Variants in OAS1 observed in about 807,000 individuals in gnomAD.
OAS1 encodes the protein 2'-5'-oligoadenylate synthase 1.
OAS1 carries 24 observed loss-of-function variants against 38.5 expected under a neutral mutation model. The ratio of observed to expected loss-of-function variants is 0.62; its 90% confidence interval spans 0.45 to 0.88. The LOEUF (loss-of-function observed/expected upper bound fraction) is 0.88, where lower values mean the gene tolerates loss of function less well. Among genes scored for constraint, OAS1 ranks in the 40% least tolerant of loss-of-function variants. The probability of loss-of-function intolerance (pLI) is 0.00; values close to 1 mark genes in which losing one functional copy is unlikely to be tolerated. For synonymous variants in OAS1, 169 were observed against 193.9 expected (o/e 0.87, Z 1.07); for missense variants, 482 against 493.9 (o/e 0.98, Z 0.23).
chr12:112,931,166 T>G (rs1026427613), intron 6 of OAS1, among the ~76,000 whole-genome samples: 1 of 152,230 alleles, frequency 6.6e-6, no homozygotes, highest in African/African-American at 2.4e-5. Context: ...CTCATTCCAC[T>G]AATAGGCATA....
chr12:112,922,945 G>A (rs2043539289), downstream of OAS1, among the ~76,000 whole-genome samples: 1 of 152,112 alleles, frequency 6.6e-6, no homozygotes, highest in African/African-American at 2.4e-5. Flanking sequence ...GTCCAGGCTG[G>A]TCTTGAACTC....
chr12:112,912,000 C>T (rs1201041922), intron 3 of OAS1, among the ~76,000 whole-genome samples: 5 of 152,192 alleles, frequency 3.3e-5, no homozygotes, highest in African/African-American at 1.2e-4. Context: ...AAAAGAGAAA[C>T]TCCTGGGTCA....
chr12:112,907,320 C>G (rs1415554890), intron 1 of OAS1, 101 bp downstream of exon 1: 1 of 1,222,090 alleles, frequency 8.2e-7, no homozygotes, highest in East Asian at 2.4e-5. Context: ...AACCTAGAAC[C>G]CAGGGTGCAA....
chr12:112,910,139 G>T (rs886743088), intron 2 of OAS1, among the ~76,000 whole-genome samples: 4 of 152,114 alleles, frequency 2.6e-5, no homozygotes, highest in Admixed American at 2.0e-4. Context: ...AGGCCAAAGT[G>T]GGGGGATCAC....
At chr12:112,907,320 C>T (rs1415554890) in intron 1 of OAS1, 101 bp downstream of exon 1, 2 of 1,221,976 alleles carry the variant, frequency 1.6e-6, no homozygotes, top group African/African-American at 3.0e-5. Flanking sequence ...AACCTAGAAC[C>T]CAGGGTGCAA....
chr12:112,927,066 C>A (rs1304815274), intron 6 of OAS1, among the ~76,000 whole-genome samples: 2 of 152,198 alleles, frequency 1.3e-5, no homozygotes, highest in Non-Finnish European at 2.9e-5. Context: ...CTGAACATCG[C>A]TATTATCCTG....
At chr12:112,921,041 C>T (rs563039422), downstream of OAS1, among the ~76,000 whole-genome samples, 6 of 152,248 alleles carry the variant, frequency 3.9e-5, no homozygotes, top group South Asian at 2.1e-4. Flanking sequence ...CCTACTCTGG[C>T]GCCATGAGAA....
At chr12:112,922,563 T>C (rs1219982542), downstream of OAS1, among the ~76,000 whole-genome samples, 2 of 152,128 alleles carry the variant, frequency 1.3e-5, no homozygotes. Flanking sequence ...CCTATTGCCC[T>C]TATCAATCCA....
At chr12:112,920,895 T>C (rs1462803771), downstream of OAS1, among the ~76,000 whole-genome samples, 1 of 152,214 alleles carries the variant, frequency 6.6e-6, no homozygotes, top group African/African-American at 2.4e-5. Context: ...GAGGTTACAG[T>C]GCTTGCCCAG....
chr12:112,930,131 C>A (rs1274450062), intron 6 of OAS1, among the ~76,000 whole-genome samples: 1 of 152,040 alleles, frequency 6.6e-6, no homozygotes, highest in Non-Finnish European at 1.5e-5. Context: ...GTGGCACCTC[C>A]TCCCCACTTT....
chr12:112,925,775 G>A (rs1349625570), intron 6 of OAS1, among the ~76,000 whole-genome samples: 2 of 152,158 alleles, frequency 1.3e-5, no homozygotes, highest in African/African-American at 4.8e-5. Flanking sequence ...AACAGAATGC[G>A]ACCCTGTCTC....
downstream of OAS1, among the ~76,000 whole-genome samples, chr12:112,920,590 A>G (rs574544915): frequency 2.0e-5 from 3 of 152,348 alleles, no homozygotes; most frequent in East Asian, 5.8e-4. Flanking sequence ...CCTCCAAGGT[A>G]AATCACTGGA....
chr12:112,916,006 A>G (rs1449099289), intron 3 of OAS1, among the ~76,000 whole-genome samples: 3 of 152,228 alleles, frequency 2.0e-5, no homozygotes, highest in Non-Finnish European at 4.4e-5. Flanking sequence ...GAGGTTTTGG[A>G]TTATGTATAT....
exon 7 of OAS1, chr12:112,932,030 C>T (rs543200425): frequency 3.0e-6 from 2 of 659,798 alleles, no homozygotes; most frequent in East Asian, 2.8e-5. Context: ...CAATAATAAA[C>T]AGACGTCTCA....
downstream of OAS1, among the ~76,000 whole-genome samples, chr12:112,924,354 C>G (rs2043546946): frequency 6.6e-6 from 1 of 152,024 alleles, no homozygotes; most frequent in Non-Finnish European, 1.5e-5. Context: ...CCTCTTGGCC[C>G]TTTTTATTTC....
At chr12:112,909,452 A>G (rs1045278789) in intron 2 of OAS1, among the ~76,000 whole-genome samples, 1 of 152,144 alleles carries the variant, frequency 6.6e-6, no homozygotes, top group African/African-American at 2.4e-5. Flanking sequence ...TGAGCCCAGG[A>G]GTTCAAGACC....
At chr12:112,932,035 G>T (rs757983012) in exon 7 of OAS1, 15 of 652,626 alleles carry the variant, frequency 2.3e-5, no homozygotes, top group South Asian at 1.5e-4. Context: ...ATAAACAGAC[G>T]TCTCATAAAA....
chr12:112,920,739 A>T (rs1482816042), downstream of OAS1, among the ~76,000 whole-genome samples: 1 of 152,170 alleles, frequency 6.6e-6, no homozygotes, highest in Non-Finnish European at 1.5e-5. Flanking sequence ...TGCTCTGATC[A>T]CCTGAGTTGC....
intron 6 of OAS1, among the ~76,000 whole-genome samples, chr12:112,926,579 T>C (rs1289166966): frequency 6.6e-6 from 1 of 151,078 alleles, no homozygotes; most frequent in Non-Finnish European, 1.5e-5. Flanking sequence ...AATGTACATA[T>C]AGGGTGTGGG....
Sources: allele counts gnomAD v4.1 joint callset (sites outside exome capture counted in the v4.1 genomes callset), GRCh38; gene constraint gnomAD v4.1.1; transcripts MANE v1.5; gene names NCBI Gene and HGNC (gene_info 2026-07-23, HGNC 2026-07-21).